NEK1: variants seen among roughly 807,000 people sequenced by gnomAD.
NEK1 encodes the protein serine/threonine-protein kinase Nek1.
Under a neutral mutation model 182.1 loss-of-function variants are expected in NEK1, and 137 were observed. That is an observed-to-expected ratio of 0.75 (90% CI 0.65 to 0.87). The LOEUF (loss-of-function observed/expected upper bound fraction) is 0.87, where lower values mean the gene tolerates loss of function less well. Ranked by LOEUF, NEK1 falls within the 40% of genes least tolerant of loss-of-function variation. The pLI, the probability that NEK1 is intolerant of heterozygous loss-of-function variation, is 0.00. For missense variants in NEK1, 1,391 were observed against 1,494.4 expected (o/e 0.93, Z 1.14); for synonymous variants, 513 against 492.2 (o/e 1.04, Z -0.56).
chr4:169,474,418 C>A (rs1746583354), intron 26 of NEK1, among the ~76,000 whole-genome samples: 1 of 152,200 alleles, frequency 6.6e-6, no homozygotes, highest in East Asian at 1.9e-4. Flanking sequence ...TACATCCCCA[C>A]CAAGTAATAC....
chr4:169,576,600 C>T, intron 12 of NEK1: 1 of 172,594 alleles, frequency 5.8e-6, no homozygotes, highest in South Asian at 1.4e-4. Context: ...CAAATATTTC[C>T]AGATTTTTAT....
At chr4:169,569,897 C>G (rs1421727754) in intron 12 of NEK1, among the ~76,000 whole-genome samples, 1 of 152,228 alleles carries the variant, frequency 6.6e-6, no homozygotes, top group Non-Finnish European at 1.5e-5. Flanking sequence ...AGATTGTAGC[C>G]TCTGCCCAGC....
At chr4:169,562,105 G>C in intron 13 of NEK1, 32 bp downstream of exon 13, 1 of 1,435,146 alleles carries the variant, frequency 7.0e-7, no homozygotes. Context: ...TGTTTGCAAA[G>C]CTTTAAAATA....
chr4:169,571,533 T>C (rs1764850349), intron 12 of NEK1, among the ~76,000 whole-genome samples: 1 of 152,190 alleles, frequency 6.6e-6, no homozygotes, highest in Admixed American at 6.5e-5. Context: ...GCTCTATTCA[T>C]AAAGCAAGTT....
At chr4:169,402,698 G>A (rs2111043780) in intron 32 of NEK1, among the ~76,000 whole-genome samples, 1 of 152,258 alleles carries the variant, frequency 6.6e-6, no homozygotes, top group Middle Eastern at 3.4e-3. Context: ...TCACTTTAGA[G>A]ACATGAAAAC....
chr4:169,494,521 A>C (rs1750779130), intron 23 of NEK1, among the ~76,000 whole-genome samples: 16 of 152,140 alleles, frequency 1.1e-4, no homozygotes, highest in Admixed American at 1.0e-3. Context: ...GGTTGGTTCC[A>C]AGTCTTTGCT....
At chr4:169,506,806 G>C (rs1753330916) in intron 23 of NEK1, 1 of 240,388 alleles carries the variant, frequency 4.2e-6, no homozygotes, top group Non-Finnish European at 7.9e-6. Context: ...AGATAAATTA[G>C]TTCTGACTTC....
chr4:169,569,006 G>A (rs1764187305), intron 12 of NEK1, among the ~76,000 whole-genome samples: 1 of 150,900 alleles, frequency 6.6e-6, no homozygotes, highest in Non-Finnish European at 1.5e-5. Flanking sequence ...AAAATTAAAT[G>A]CGTGTGTAAA....
chr4:169,505,022 T>C (rs994306950), intron 23 of NEK1, among the ~76,000 whole-genome samples: 1 of 150,144 alleles, frequency 6.7e-6, no homozygotes, highest in Non-Finnish European at 1.5e-5. Context: ...CCTACAAAAA[T>C]TAAAAGTAAA....
At chr4:169,433,486 C>T in intron 29 of NEK1, 59 bp downstream of exon 29, 1 of 1,517,166 alleles carries the variant, frequency 6.6e-7, no homozygotes, top group Non-Finnish European at 8.9e-7. Context: ...ATAGTATTTT[C>T]TTAAAAGTTA....
At chr4:169,509,163 G>A (rs990004327) in intron 19 of NEK1, among the ~76,000 whole-genome samples, 21 of 152,014 alleles carry the variant, frequency 1.4e-4, no homozygotes, top group Non-Finnish European at 1.5e-5. Flanking sequence ...TGCTTTGGAG[G>A]TTAAACCCCA....
At chr4:169,597,490 G>T (rs550989404) in intron 5 of NEK1, among the ~76,000 whole-genome samples, 2 of 152,088 alleles carry the variant, frequency 1.3e-5, no homozygotes. Context: ...TAAAAAATTA[G>T]CTGGGCCTAG....
intron 19 of NEK1, among the ~76,000 whole-genome samples, chr4:169,515,534 G>T: frequency 6.8e-6 from 1 of 147,350 alleles, no homozygotes. Flanking sequence ...TAAGTTTTAG[G>T]GTACATGTGC....
intron 19 of NEK1, among the ~76,000 whole-genome samples, chr4:169,512,628 C>T (rs1754378062): frequency 6.6e-6 from 1 of 152,022 alleles, no homozygotes; most frequent in Non-Finnish European, 1.5e-5. Flanking sequence ...CCTGCTCTAT[C>T]AGCTTTTCCT....
At chr4:169,501,302 A>G (rs1752379524) in intron 23 of NEK1, among the ~76,000 whole-genome samples, 2 of 152,306 alleles carry the variant, frequency 1.3e-5, no homozygotes, top group Admixed American at 6.5e-5. Flanking sequence ...ATCATACAAT[A>G]ATAGTGGACA....
At chr4:169,572,971 A>G (rs1765105127) in intron 12 of NEK1, among the ~76,000 whole-genome samples, 1 of 152,230 alleles carries the variant, frequency 6.6e-6, no homozygotes, top group African/African-American at 2.4e-5. Context: ...GACCAGAAAT[A>G]TAGAGAGGTA....
Position 169,572,312 on chromosome 4 carries a change from C to T in NEK1, c.1020+4616G>A, listed in dbSNP as rs541237637. Among the ~76,000 whole-genome samples the T allele has an allele frequency of 7.2e-5, 11 of 151,948 alleles. No individual in the cohort carries two copies. In the South Asian group the frequency reaches 1.9e-3, roughly 26 times the overall value. ...TGAAGTCACAATTGACAGGATATGACGTAGAAAGAGTAGTCAATAATGACT... is the reference window on the plus strand; with the variant it reads ...TGAAGTCACAATTGACAGGATATGATGTAGAAAGAGTAGTCAATAATGACT... On this transcript the variant is annotated intron_variant, in intron 12 of 35. Coordinates refer to ENST00000507142, the MANE Select transcript of NEK1 (RefSeq NM_001199397.3).
chr4:169,409,308 C>A (rs941622079), intron 31 of NEK1, among the ~76,000 whole-genome samples: 2 of 152,024 alleles, frequency 1.3e-5, no homozygotes, highest in African/African-American at 4.8e-5. Flanking sequence ...CCACGCCCAG[C>A]TAATTTTTTG....
At chr4:169,573,897 G>T (rs1209392616) in intron 12 of NEK1, among the ~76,000 whole-genome samples, 1 of 152,234 alleles carries the variant, frequency 6.6e-6, no homozygotes, top group Non-Finnish European at 1.5e-5. Context: ...GGTGGCTCAT[G>T]CCTGTAATCC....
Sources: allele counts gnomAD v4.1 joint callset (sites outside exome capture counted in the v4.1 genomes callset), GRCh38; gene constraint gnomAD v4.1.1; transcripts MANE v1.5; gene names NCBI Gene and HGNC (gene_info 2026-07-23, HGNC 2026-07-21).